ANKMY2: variants seen among roughly 807,000 people sequenced by gnomAD.
ANKMY2 encodes the protein ankyrin repeat and MYND domain-containing protein 2.
A neutral mutation model predicts 50.4 loss-of-function variants in ANKMY2; 36 were observed. That is an observed-to-expected ratio of 0.71 (90% CI 0.55 to 0.94). ANKMY2 has a LOEUF of 0.94. ANKMY2 is among the 40% of genes least tolerant of loss of function. ANKMY2 has a pLI of 0.00. For synonymous variants in ANKMY2, 187 were observed against 178.8 expected (o/e 1.05, Z -0.36); for missense variants, 565 against 524.0 (o/e 1.08, Z -0.76).
At chr7:16,642,098 T>C (rs1364401491) in intron 1 of ANKMY2, among the ~76,000 whole-genome samples, 1 of 152,144 alleles carries the variant, frequency 6.6e-6, no homozygotes, top group Non-Finnish European at 1.5e-5. Context: ...CAAACTTGTT[T>C]CATAGCTCCT....
chr7:16,615,600 T>C, intron 5 of ANKMY2, 144 bp downstream of exon 5: 1 of 984,274 alleles, frequency 1.0e-6, no homozygotes, highest in Non-Finnish European at 1.5e-6. Context: ...GTTCCTTCAA[T>C]AAATTAACAG....
chr7:16,610,740 A>T lies in ANKMY2; in HGVS notation c.555T>A (p.Asn185Lys). 6.2e-7 allele frequency: 1 copy of T among 1,613,796 alleles called. No homozygotes were observed. The highest frequency in any genetic ancestry group is 1.7e-4 in the Middle Eastern group (1 of 6,058). Residue 185 changes from asparagine to lysine, a missense_variant, in exon 6 of 10, where the codon AAT becomes AAA. By Grantham distance (94) the Asn-to-Lys change is moderately conservative. Transcript: ENST00000306999. ...GGGCTGCTTCTTCTGTCAGCAGAGG[A>T]TTCTCATTTACAAGCATCACGATCT... The part of the protein sequence containing the change: ...PVKIVMLVNE[N>K]PLLTEEAALN...
intron 1 of ANKMY2, among the ~76,000 whole-genome samples, chr7:16,638,746 C>T (rs113725738): frequency 1.3e-5 from 2 of 152,078 alleles, no homozygotes; most frequent in Non-Finnish European, 2.9e-5. Flanking sequence ...ATCCAACAGT[C>T]GCCTCATTAG....
intron 4 of ANKMY2, among the ~76,000 whole-genome samples, chr7:16,616,374 C>G (rs1781348650): frequency 1.3e-5 from 2 of 150,530 alleles, no homozygotes; most frequent in Admixed American, 6.6e-5. Flanking sequence ...TTATCCCCTA[C>G]CCCCTAAATT....
At chr7:16,623,821 G>A (rs2286223) in intron 4 of ANKMY2, among the ~76,000 whole-genome samples, 4 of 151,974 alleles carry the variant, frequency 2.6e-5, no homozygotes, top group Admixed American at 6.6e-5. Flanking sequence ...CTTTTGAAAT[G>A]AAAATAAGGA....
intron 2 of ANKMY2, among the ~76,000 whole-genome samples, chr7:16,633,350 T>C (rs912994254): frequency 6.6e-6 from 1 of 152,092 alleles, no homozygotes; most frequent in African/African-American, 2.4e-5. Flanking sequence ...TTTTTTAGTA[T>C]ACTTACTCTT....
chr7:16,639,931 G>T, intron 1 of ANKMY2, among the ~76,000 whole-genome samples: 1 of 151,952 alleles, frequency 6.6e-6, no homozygotes, highest in East Asian at 1.9e-4. Context: ...AGGCCAAGGC[G>T]GATGGATCAC....
At chr7:16,613,728 A>T (rs111555253) in intron 5 of ANKMY2, among the ~76,000 whole-genome samples, 1 of 151,966 alleles carries the variant, frequency 6.6e-6, no homozygotes, top group African/African-American at 2.4e-5. Context: ...AAACATAAAA[A>T]ATTATTCCAT....
intron 1 of ANKMY2, among the ~76,000 whole-genome samples, chr7:16,640,531 T>A (rs1339232491): frequency 6.6e-6 from 1 of 152,260 alleles, no homozygotes; most frequent in South Asian, 2.1e-4. Context: ...ATTGTTTTAA[T>A]TTTTTATAGA....
chr7:16,641,829 T>C (rs1199359076), intron 1 of ANKMY2, among the ~76,000 whole-genome samples: 4 of 152,180 alleles, frequency 2.6e-5, no homozygotes, highest in African/African-American at 9.7e-5. Flanking sequence ...TCTACTAATA[T>C]AAAATTCTAG....
rs374105087 is a variant in ANKMY2 at position 16,601,585 on chromosome 7, T to C, written c.1142-640A>G. Among the ~76,000 whole-genome samples the C allele has an allele frequency of 4.6e-5, 7 of 152,374 alleles. No individual in the cohort carries two copies. The East Asian group carries it at 1.3e-3, about 29-fold the overall frequency. The stretch of plus-strand genomic sequence containing the variant: ...CTCTTAAGGATAAATGGTTTAATTG[T>C]GTACAAACCATTTAATTCCACTGAG... On this transcript the variant is annotated intron_variant, in intron 9 of 9. Transcript: ENST00000306999.
chr7:16,638,130 T>G (rs544575784), intron 1 of ANKMY2, among the ~76,000 whole-genome samples: 2 of 152,396 alleles, frequency 1.3e-5, no homozygotes, highest in South Asian at 4.1e-4. Flanking sequence ...ACCAGATATA[T>G]GGGGTTTCCC....
intron 8 of ANKMY2, among the ~76,000 whole-genome samples, chr7:16,602,941 G>A (rs898110840): frequency 2.6e-5 from 4 of 152,172 alleles, no homozygotes; most frequent in African/African-American, 9.7e-5. Flanking sequence ...CAGAAGCTGA[G>A]CAGATGCCCA....
chr7:16,645,702 A>C lies in ANKMY2; in HGVS notation c.-129T>G. On this transcript the variant is annotated 5_prime_UTR_variant, in exon 1 of 10. Transcript: ENST00000306999. The stretch of plus-strand genomic sequence containing the variant: ...AAGACACTGAGTAGCCAACCGCGGA[A>C]ACGCTTCGCTTCTCTCCTCCCTCCC... The C allele has an allele frequency of 9.8e-7, 1 of 1,021,146 alleles. No individual in the cohort carries two copies. Among genetic ancestry groups the C allele is most frequent in the Non-Finnish European group, 1.4e-6 (1 of 725,382 alleles). The allele number at this position is 1,021,146 out of a possible 1,614,324, so 63.3% of individuals were successfully genotyped here. A position where few individuals can be genotyped will look rare whatever the true frequency, so the allele number is the denominator to read the frequency against.
intron 5 of ANKMY2, among the ~76,000 whole-genome samples, chr7:16,613,093 C>A (rs545145800): frequency 3.0e-4 from 46 of 152,238 alleles, no homozygotes; most frequent in African/African-American, 1.0e-3. Context: ...CACTTAGAGA[C>A]CCTGCTCTGC....
chr7:16,644,227 A>C (rs1185640219), intron 1 of ANKMY2, among the ~76,000 whole-genome samples: 1 of 152,238 alleles, frequency 6.6e-6, no homozygotes, highest in Non-Finnish European at 1.5e-5. Flanking sequence ...GAAGAACTGA[A>C]AGACTGAAAT....
At chr7:16,628,520 T>A (rs1262204610) in intron 2 of ANKMY2, among the ~76,000 whole-genome samples, 1 of 70,574 alleles carries the variant, frequency 1.4e-5, no homozygotes, top group Non-Finnish European at 2.7e-5. Flanking sequence ...TGGGAGTGGG[T>A]GGGTGGGTGT....
chr7:16,606,986 A>C (rs1781171524), intron 7 of ANKMY2, among the ~76,000 whole-genome samples: 1 of 152,166 alleles, frequency 6.6e-6, no homozygotes, highest in Non-Finnish European at 1.5e-5. Flanking sequence ...CAACACAGTG[A>C]AGCTCACAGC....
At chr7:16,604,394 A>G (rs568479963) in intron 8 of ANKMY2, among the ~76,000 whole-genome samples, 72 of 152,338 alleles carry the variant, frequency 4.7e-4, no homozygotes, top group African/African-American at 1.7e-3. Flanking sequence ...TAGGTTTCAC[A>G]TCTGCACCAG....
Sources: gnomAD v4.1 joint callset for allele counts (sites outside exome capture counted in the v4.1 genomes callset) on GRCh38, gnomAD v4.1.1 for gene constraint, MANE v1.5 for transcripts, NCBI Gene and HGNC (gene_info 2026-07-23, HGNC 2026-07-21) for gene names.